The following KCNQ1OT1 variants were observed in gnomAD, a reference collection of about 807,000 sequenced individuals.
KCNQ1OT1 encodes KCNQ1 antisense RNA 2 (non-protein coding).
chr11:2,664,410 A>G lies in KCNQ1OT1; in HGVS notation n.35585T>C. 1 of 398,690 alleles carries G rather than the reference A, an allele frequency of 2.5e-6. No homozygotes were observed. Among genetic ancestry groups the G allele is most frequent in the Non-Finnish European group, 4.4e-6 (1 of 226,130 alleles). The allele number at this position is 398,690 out of a possible 1,614,324, so 24.7% of individuals were successfully genotyped here. On this transcript the variant is annotated non_coding_transcript_exon_variant, in exon 1 of 1. Coordinates refer to ENST00000597346, the Ensembl canonical transcript of KCNQ1OT1. This position sits in a 1 kb window ranked among gnomAD's most constrained non-coding sequence, Gnocchi z 5.1. ...GAGAGGCCTGAAGGGGAGAGTGGGCACGTACAGTGTCAGGGCCTAGGAACC... is the reference window on the plus strand; with the variant it reads ...GAGAGGCCTGAAGGGGAGAGTGGGCGCGTACAGTGTCAGGGCCTAGGAACC...
rs1000627147 is a variant in KCNQ1OT1 at position 2,674,454 on chromosome 11, G to A, written n.25541C>T. On this transcript the variant is annotated non_coding_transcript_exon_variant, in exon 1 of 1. Transcript: ENST00000597346. The surrounding 1 kb of genome is among the most constrained non-coding windows in gnomAD (Gnocchi z 5.9). ...ACAGAGGCTGGGGGGAGGCACGTGG[G>A]GAGGAGGGCTGCCTGTCGAGATGTG... The A allele has an allele frequency of 3.3e-5, 13 of 398,694 alleles. No individual in the cohort carries two copies. Among genetic ancestry groups the A allele is most frequent in the African/African-American group, 1.8e-4 (9 of 48,746 alleles). The allele number at this position is 398,694 out of a possible 1,614,324, so 24.7% of individuals were successfully genotyped here.
chr11:2,614,084 G>A (rs2133794388), exon 1 of KCNQ1OT1: 2 of 398,494 alleles, frequency 5.0e-6, no homozygotes, highest in Admixed American at 4.4e-5. Flanking sequence ...ATGTGTAGGT[G>A]GTTTCTAGAT....
chr11:2,632,360 A>C (rs943621067), exon 1 of KCNQ1OT1: 1 of 398,342 alleles, frequency 2.5e-6, no homozygotes, highest in Admixed American at 4.4e-5. Flanking sequence ...TGATGCCTTT[A>C]TTTCTTTTCC....
At position 2,673,451 on chromosome 11, in the gene KCNQ1OT1, C is replaced by T; in HGVS notation, n.26544G>A. ...AGGTTCCAACTTGGTGTTGGGCCTC[C>T]TTGAGCCGGAACACCTGAAAAGCCA... On this transcript the variant is annotated non_coding_transcript_exon_variant, in exon 1 of 1. Coordinates refer to ENST00000597346, the Ensembl canonical transcript of KCNQ1OT1. This position sits in a 1 kb window ranked among gnomAD's most constrained non-coding sequence, Gnocchi z 4.5. The T allele has an allele frequency of 2.5e-6, 1 of 398,694 alleles. No individual in the cohort carries two copies. The highest frequency in any genetic ancestry group is 3.6e-5 in the East Asian group (1 of 28,080). 24.7% of individuals were successfully genotyped at this position (398,694 alleles called of 1,614,324 possible). A position where few individuals can be genotyped will look rare whatever the true frequency, so the allele number is the denominator to read the frequency against.
At chr11:2,672,515 AG>A (rs1850204864) in exon 1 of KCNQ1OT1, 1 of 398,688 alleles carries the variant, frequency 2.5e-6, no homozygotes, top group Non-Finnish European at 4.4e-6. Flanking sequence ...CTGTGCTCCC[AG>A]GCCTCTCCAT....
At chr11:2,688,592 A>G in exon 1 of KCNQ1OT1, 1 of 398,706 alleles carries the variant, frequency 2.5e-6, no homozygotes, top group African/African-American at 2.1e-5. Flanking sequence ...TCGCTCACTG[A>G]GGCCAGGCAC....
At position 2,677,486 on chromosome 11, in the gene KCNQ1OT1, T is replaced by C. The variant is rs1487573752; in HGVS notation, n.22509A>G. ...AAGCAGTGAAACCATGCCATACTTC[T>C]ACAAAAAATGATCCTCTCTGTGGAA... On this transcript the variant is annotated non_coding_transcript_exon_variant, in exon 1 of 1. Transcript: ENST00000597346. The surrounding 1 kb of genome is among the most constrained non-coding windows in gnomAD (Gnocchi z 4.5). 2 of 398,392 alleles carry C rather than the reference T, an allele frequency of 5.0e-6. No individual in the cohort carries two copies. Among genetic ancestry groups the C allele is most frequent in the Non-Finnish European group, 8.8e-6 (2 of 226,038 alleles). 24.7% of individuals were successfully genotyped at this position (398,392 alleles called of 1,614,324 possible).
chr11:2,661,643 GT>G lies in KCNQ1OT1; in HGVS notation n.38351del. ...TGTTTTATTCTTGACCCAAGTGTCA[GT>G]TGTGAACATGGGAAGAGGCCCAGAA... On this transcript the variant is annotated non_coding_transcript_exon_variant, in exon 1 of 1. Transcript: ENST00000597346. This position sits in a 1 kb window ranked among gnomAD's most constrained non-coding sequence, Gnocchi z 5.9. 5.0e-6 allele frequency: 3 copies of G among 594,856 alleles called. No individual in the cohort carries two copies. The highest frequency in any genetic ancestry group is 9.0e-6 in the Non-Finnish European group (3 of 333,838). The allele number at this position is 594,856 out of a possible 1,614,324, so 36.8% of individuals were successfully genotyped here.
chr11:2,644,751 A>C, exon 1 of KCNQ1OT1: 1 of 398,570 alleles, frequency 2.5e-6, no homozygotes, highest in Non-Finnish European at 4.4e-6. Context: ...TGGGCAGGGC[A>C]CTTTGGTTTT....
At chr11:2,632,410 A>G (rs957398734) in exon 1 of KCNQ1OT1, 1 of 398,292 alleles carries the variant, frequency 2.5e-6, no homozygotes, top group Non-Finnish European at 4.4e-6. Context: ...GTTTAATATA[A>G]TGGCTAAAAT....
chr11:2,667,282 A>G (rs1050439681), exon 1 of KCNQ1OT1: 4 of 398,468 alleles, frequency 1.0e-5, no homozygotes, highest in Non-Finnish European at 1.3e-5. Context: ...GGCTGCTGCT[A>G]TGGGGAGAGG....
exon 1 of KCNQ1OT1, chr11:2,672,042 A>T (rs1419330352): frequency 2.5e-6 from 1 of 398,500 alleles, no homozygotes; most frequent in African/African-American, 2.1e-5. Context: ...CCCGGTCTGC[A>T]CTCAAGCCCA....
At position 2,642,040 on chromosome 11, in the gene KCNQ1OT1, T is replaced by A; in HGVS notation, n.57955A>T. The A allele has an allele frequency of 2.5e-6, 1 of 398,344 alleles. No homozygotes were observed. Among genetic ancestry groups the A allele is most frequent in the Non-Finnish European group, 4.4e-6 (1 of 225,866 alleles). The allele number at this position is 398,344 out of a possible 1,614,324, so 24.7% of individuals were successfully genotyped here. On this transcript the variant is annotated non_coding_transcript_exon_variant, in exon 1 of 1. Transcript: ENST00000597346. The surrounding 1 kb of genome is among the most constrained non-coding windows in gnomAD (Gnocchi z 4.3). ...TTTTAATGCTATAGCCTTATATTTT[T>A]AAATCAGGCAGTGTGATGCATCCAA...
chr11:2,657,710 T>G lies in KCNQ1OT1; in HGVS notation n.42285A>C. ...GTTCCAAGATCCCATCTAGGATCGA[T>G]CATTACATTTATTGTCATCTCTGAT... On this transcript the variant is annotated non_coding_transcript_exon_variant, in exon 1 of 1. Transcript: ENST00000597346. The surrounding 1 kb of genome is among the most constrained non-coding windows in gnomAD (Gnocchi z 4.8). 2.5e-6 allele frequency: 1 copy of G among 398,680 alleles called. No homozygotes were observed. 24.7% of individuals were successfully genotyped at this position (398,680 alleles called of 1,614,324 possible). A position where few individuals can be genotyped will look rare whatever the true frequency, so the allele number is the denominator to read the frequency against.
chr11:2,649,611 CA>C, exon 1 of KCNQ1OT1: 1 of 398,564 alleles, frequency 2.5e-6, no homozygotes, highest in South Asian at 1.3e-4. Context: ...CACCTTGCAG[CA>C]CTTTTAATAT....
chr11:2,654,702 A>G lies in KCNQ1OT1; in HGVS notation n.45293T>C. Reference sequence around the variant, plus strand: ...AGCTTTGAGCTTTGTCATAGGCTGGACTTGGGGCTTGAATGCTGACCTAAT... The same window carrying G: ...AGCTTTGAGCTTTGTCATAGGCTGGGCTTGGGGCTTGAATGCTGACCTAAT... On this transcript the variant is annotated non_coding_transcript_exon_variant, in exon 1 of 1. Coordinates refer to ENST00000597346, the Ensembl canonical transcript of KCNQ1OT1. The surrounding 1 kb of genome is among the most constrained non-coding windows in gnomAD (Gnocchi z 6.4). The G allele has an allele frequency of 2.5e-6, 1 of 398,658 alleles. No homozygotes were observed. 24.7% of individuals were successfully genotyped at this position (398,658 alleles called of 1,614,324 possible).
At chr11:2,646,240 T>G (rs894687607) in exon 1 of KCNQ1OT1, 26 of 398,560 alleles carry the variant, frequency 6.5e-5, no homozygotes, top group African/African-American at 4.5e-4. Context: ...TCAGCCATCT[T>G]GAAGCCCCTG....
rs151212 is a variant in KCNQ1OT1, at chr11:2,669,063, A to C, written n.30932T>G. 0.43 allele frequency: 170,000 copies of C among 398,398 alleles called. 41,726 individuals carry two copies. The highest frequency in any genetic ancestry group is 0.94 in the East Asian group (26,453 of 28,070). 24.7% of individuals were successfully genotyped at this position (398,398 alleles called of 1,614,324 possible). ...GGCATGGGAAGGCCCGTCCTCTCCC[A>C]ACTACCCTGCCGTATCAGTGTCTTT... On this transcript the variant is annotated non_coding_transcript_exon_variant, in exon 1 of 1. Coordinates refer to ENST00000597346, the Ensembl canonical transcript of KCNQ1OT1. This position sits in a 1 kb window ranked among gnomAD's most constrained non-coding sequence, Gnocchi z 5.6.
At chr11:2,696,823 C>A in exon 1 of KCNQ1OT1, 1 of 398,532 alleles carries the variant, frequency 2.5e-6, no homozygotes, top group Non-Finnish European at 4.4e-6. Flanking sequence ...TGATTGCTGT[C>A]CTAATCTCTA....
Sources: gnomAD v4.1 joint callset for allele counts on GRCh38, gnomAD v4.1.1 for gene constraint, Gnocchi (gnomAD v3.1) non-coding constraint, MANE v1.5 for transcripts, NCBI Gene and HGNC (gene_info 2026-07-23, HGNC 2026-07-21) for gene names.